Variants in GPR158 observed in about 807,000 individuals in gnomAD.
GPR158 encodes the protein metabotropic glycine receptor.
In GPR158, 30 loss-of-function variants were observed where a neutral mutation model predicts 78.2. The observed-to-expected ratio is 0.38, with a 90% CI of 0.29 to 0.52. The LOEUF (loss-of-function observed/expected upper bound fraction) is 0.52, where lower values mean the gene tolerates loss of function less well. GPR158 is among the 20% of genes least tolerant of loss of function. The pLI is 0.83. For synonymous variants in GPR158, 581 were observed against 591.1 expected, an observed-to-expected ratio of 0.98 and a Z score of 0.25; for missense variants, 1,463 against 1,523.5, an observed-to-expected ratio of 0.96 and a Z score of 0.66.
In GPR158 at chr10:25,260,159, G is replaced by A. The variant is rs567607133; in HGVS notation, c.1008+39002G>A. On this transcript the variant is annotated intron_variant, in intron 2 of 10. Coordinates refer to ENST00000376351, the MANE Select transcript of GPR158 (RefSeq NM_020752.3). ...TTTGACTACGGCACATAACATTTGC[G>A]ATAGATTTTTTTGTTTGTTTGTCAG... Among the ~76,000 whole-genome samples, 166 of 152,186 alleles carry A rather than the reference G, an allele frequency of 1.1e-3. 1 individual carries two copies. Among genetic ancestry groups the A allele is most frequent in the South Asian group, 5.6e-3 (27 of 4,826 alleles).
At chr10:25,361,773 T>A (rs1855645176) in intron 2 of GPR158, among the ~76,000 whole-genome samples, 1 of 152,004 alleles carries the variant, frequency 6.6e-6, no homozygotes, top group Non-Finnish European at 1.5e-5. Context: ...CCTTTGCATA[T>A]TTTTTAACTT....
intron 2 of GPR158, among the ~76,000 whole-genome samples, chr10:25,291,789 G>A (rs886212284): frequency 6.6e-6 from 1 of 151,830 alleles, no homozygotes; most frequent in Non-Finnish European, 1.5e-5. Flanking sequence ...TGAAAAAAAG[G>A]AACAGAGGGA....
At chr10:25,305,972 G>C (rs945043340) in intron 2 of GPR158, among the ~76,000 whole-genome samples, 11 of 152,146 alleles carry the variant, frequency 7.2e-5, no homozygotes, top group African/African-American at 2.4e-4. Flanking sequence ...AATGATTCAT[G>C]TATTTTCATT....
intron 5 of GPR158, among the ~76,000 whole-genome samples, chr10:25,477,235 G>C (rs574294579): frequency 6.6e-6 from 1 of 152,228 alleles, no homozygotes; most frequent in South Asian, 2.1e-4. Context: ...ATATAAAGGA[G>C]GGAGTTGAAA....
intron 2 of GPR158, among the ~76,000 whole-genome samples, chr10:25,308,252 T>C (rs1389997559): frequency 6.6e-6 from 1 of 152,112 alleles, no homozygotes; most frequent in African/African-American, 2.4e-5. Flanking sequence ...CCATCACCTA[T>C]GTATTAAGCC....
intron 1 of GPR158, among the ~76,000 whole-genome samples, chr10:25,195,123 T>C (rs137938445): frequency 6.6e-6 from 1 of 151,946 alleles, no homozygotes; most frequent in Non-Finnish European, 1.5e-5. Context: ...TCCCCACCCA[T>C]TGGAGTTGCT....
At chr10:25,594,529 G>T in intron 9 of GPR158, 132 bp downstream of exon 9, 1 of 472,472 alleles carries the variant, frequency 2.1e-6, no homozygotes, top group South Asian at 3.8e-5. Context: ...CCCTCCTCAG[G>T]AAACTGGCTG....
intron 4 of GPR158, among the ~76,000 whole-genome samples, chr10:25,423,354 G>A (rs950276516): frequency 6.7e-6 from 1 of 149,828 alleles, no homozygotes; most frequent in Non-Finnish European, 1.5e-5. Flanking sequence ...ACCTGATAGT[G>A]GGATTGCTGG....
At chr10:25,242,772 A>G (rs1308014516) in intron 2 of GPR158, among the ~76,000 whole-genome samples, 1 of 152,164 alleles carries the variant, frequency 6.6e-6, no homozygotes, top group African/African-American at 2.4e-5. Context: ...GAATATGTGG[A>G]GTCTTTCTGT....
At chr10:25,367,899 C>A (rs186214706) in intron 2 of GPR158, among the ~76,000 whole-genome samples, 1 of 151,842 alleles carries the variant, frequency 6.6e-6, no homozygotes. Flanking sequence ...ATGCCAATGC[C>A]CCATACATAT....
At position 25,278,983 on chromosome 10, in the gene GPR158, G is replaced by A. The variant is rs545444297; in HGVS notation, c.1008+57826G>A. On this transcript the variant is annotated intron_variant, in intron 2 of 10. Transcript: ENST00000376351. ...TGTGCAAAGAAAATAGTATGTATGT[G>A]TGAAATTATGAGCTTTAAATATGAA... Among the ~76,000 whole-genome samples, 8 of 151,980 alleles carry A rather than the reference G, an allele frequency of 5.3e-5. No individual in the cohort carries two copies. The South Asian group carries it at 8.3e-4, about 16-fold the overall frequency.
At chr10:25,466,544 C>A in intron 4 of GPR158, 107 bp from the exon 5 acceptor site, 1 of 624,272 alleles carries the variant, frequency 1.6e-6, no homozygotes, top group Non-Finnish European at 2.8e-6. Flanking sequence ...TATTTAATTT[C>A]CCCCAAAGAA....
At chr10:25,455,521 T>C (rs1835279055) in intron 4 of GPR158, among the ~76,000 whole-genome samples, 1 of 152,164 alleles carries the variant, frequency 6.6e-6, no homozygotes, top group Non-Finnish European at 1.5e-5. Context: ...GATAGTCTGA[T>C]CCTAATGTGT....
chr10:25,257,390 A>G (rs1193342384), intron 2 of GPR158, among the ~76,000 whole-genome samples: 1 of 152,232 alleles, frequency 6.6e-6, no homozygotes, highest in Non-Finnish European at 1.5e-5. Context: ...GCCTCTTAAT[A>G]CATTTGGAAA....
At chr10:25,595,064 CATT>C (rs1319813263) in intron 9 of GPR158, among the ~76,000 whole-genome samples, 2 of 152,006 alleles carry the variant, frequency 1.3e-5, no homozygotes, top group Non-Finnish European at 2.9e-5. Context: ...CAAATTATAT[CATT>C]GTTATTATTT....
intron 5 of GPR158, among the ~76,000 whole-genome samples, chr10:25,532,231 CA>C (rs780986693): frequency 2.8e-4 from 42 of 152,212 alleles, no homozygotes; most frequent in Non-Finnish European, 5.3e-4. Context: ...GTTTGTTTTT[CA>C]CCAGAGAATG....
chr10:25,495,538 C>T (rs1835869763), intron 5 of GPR158, among the ~76,000 whole-genome samples: 1 of 151,978 alleles, frequency 6.6e-6, no homozygotes, highest in Non-Finnish European at 1.5e-5. Context: ...GTGATCCACC[C>T]ACTTCAGCCT....
At chr10:25,300,042 G>A (rs1475674672) in intron 2 of GPR158, among the ~76,000 whole-genome samples, 4 of 152,108 alleles carry the variant, frequency 2.6e-5, no homozygotes, top group African/African-American at 9.7e-5. Flanking sequence ...ACAGGTGTGA[G>A]CCACCATGCC....
At chr10:25,238,330 A>G (rs1471915037) in intron 2 of GPR158, among the ~76,000 whole-genome samples, 1 of 152,262 alleles carries the variant, frequency 6.6e-6, no homozygotes, top group East Asian at 1.9e-4. Context: ...GACAGGCATC[A>G]TTAGACCGCA....
Sources: gnomAD v4.1 joint callset for allele counts (sites outside exome capture counted in the v4.1 genomes callset) on GRCh38, gnomAD v4.1.1 for gene constraint, MANE v1.5 for transcripts, NCBI Gene and HGNC (gene_info 2026-07-23, HGNC 2026-07-21) for gene names.